PYROXD1: variants seen among roughly 807,000 people sequenced by gnomAD.
PYROXD1 encodes pyridine nucleotide-disulphide oxidoreductase domain 1.
A neutral mutation model predicts 62.0 loss-of-function variants in PYROXD1; 42 were observed. That is an observed-to-expected ratio of 0.68 (90% CI 0.53 to 0.88). PYROXD1 has a LOEUF of 0.88. Among genes scored for constraint, PYROXD1 ranks in the 40% least tolerant of loss-of-function variants. PYROXD1 has a pLI of 0.00. For missense variants in PYROXD1, 493 were observed against 604.8 expected (o/e 0.82, Z 1.94); for synonymous variants, 170 against 206.4 (o/e 0.82, Z 1.51).
intron 1 of PYROXD1, 141 bp downstream of exon 1, chr12:21,437,955 A>G (rs997448160): frequency 2.1e-5 from 16 of 755,838 alleles, no homozygotes; most frequent in Non-Finnish European, 3.1e-5. Context: ...TTGCTCCCAG[A>G]TTTTAGAAAC....
At chr12:21,441,450 T>C (rs61169452) in intron 2 of PYROXD1, 87,564 of 151,646 alleles carry the variant, frequency 0.58, 25,420 homozygotes, top group Middle Eastern at 0.72. Context: ...CCTACTTCTA[T>C]GTTCTTTTTC....
intron 3 of PYROXD1, among the ~76,000 whole-genome samples, chr12:21,448,642 A>G (rs934085343): frequency 1.3e-5 from 2 of 152,212 alleles, no homozygotes; most frequent in African/African-American, 2.4e-5. Flanking sequence ...GTCTCATTGG[A>G]TGTTAAGTGC....
rs767691261 is a variant in PYROXD1 at position 21,455,304 on chromosome 12, A to G, written c.649+12A>G. 4 of 1,426,926 alleles carry G rather than the reference A, an allele frequency of 2.8e-6. No individual in the cohort carries two copies. Among genetic ancestry groups the G allele is most frequent in the Non-Finnish European group, 3.7e-6 (4 of 1,080,506 alleles). The allele number at this position is 1,426,926 out of a possible 1,614,324, so 88.4% of individuals were successfully genotyped here. A position where few individuals can be genotyped will look rare whatever the true frequency, so the allele number is the denominator to read the frequency against. On this transcript the variant is annotated intron_variant, in intron 6 of 11. Coordinates refer to ENST00000240651, the MANE Select transcript of PYROXD1 (RefSeq NM_024854.5). The stretch of plus-strand genomic sequence containing the variant: ...ATATACAACTGAAGGTAAGTGTAGC[A>G]CCTAGCTCATTAATTCTCATACAAA...
Position 21,462,842 on chromosome 12 carries a change from C to T in PYROXD1, c.1096C>T (p.Leu366=). ...AGDICTTSWQ[L]SPVWQQMRLW... ...TGACATCTGTACTACATCCTGGCAG[C>T]TGAGCCCAGTCTGGCAGCAGGTAAG... The change falls in exon 10 of 12, where the codon CTG becomes TTG. Residue 366 remains leucine, a synonymous_variant. Transcript: ENST00000240651. 1 of 1,613,764 alleles carries T rather than the reference C, an allele frequency of 6.2e-7. No homozygotes were observed. The highest frequency in any genetic ancestry group is 8.5e-7 in the Non-Finnish European group (1 of 1,179,934).
chr12:21,450,804 A>T (rs1298435466), intron 4 of PYROXD1, among the ~76,000 whole-genome samples: 1 of 152,240 alleles, frequency 6.6e-6, no homozygotes, highest in Non-Finnish European at 1.5e-5. Context: ...GATTGAGCTC[A>T]TAACTGTTTT....
intron 3 of PYROXD1, among the ~76,000 whole-genome samples, chr12:21,445,773 C>T (rs1328219163): frequency 1.3e-5 from 2 of 152,052 alleles, no homozygotes; most frequent in African/African-American, 4.8e-5. Flanking sequence ...GTGTTGGCTC[C>T]TAGGAACTGT....
At chr12:21,461,544 A>G (rs1380023738) in intron 8 of PYROXD1, among the ~76,000 whole-genome samples, 12 of 152,212 alleles carry the variant, frequency 7.9e-5, no homozygotes, top group Admixed American at 7.9e-4. Context: ...GAGAATTGCC[A>G]TGATTTGAAG....
chr12:21,451,023 C>G (rs1942486840), intron 4 of PYROXD1, among the ~76,000 whole-genome samples: 1 of 152,148 alleles, frequency 6.6e-6, no homozygotes, highest in Non-Finnish European at 1.5e-5. Context: ...TCTTAAATTG[C>G]AATATCCTCA....
At chr12:21,438,313 A>G (rs11046046) in intron 1 of PYROXD1, 17,075 of 153,076 alleles carry the variant, frequency 0.11, 1,075 homozygotes, top group East Asian at 0.31. Context: ...TAATGTTTGT[A>G]TTTTTAGTAG....
At chr12:21,444,143 G>T (rs1159584743) in intron 2 of PYROXD1, among the ~76,000 whole-genome samples, 1 of 152,146 alleles carries the variant, frequency 6.6e-6, no homozygotes, top group Admixed American at 6.5e-5. Flanking sequence ...TACTGGTCGG[G>T]TAGCCTTGGA....
Position 21,466,142 on chromosome 12 carries a change from C to T in PYROXD1, c.1117-1339C>T, listed in dbSNP as rs865984783. Among the ~76,000 whole-genome samples, 1,038 of 150,694 alleles carry T rather than the reference C, an allele frequency of 6.9e-3. 9 individuals are homozygous for T. The highest frequency in any genetic ancestry group is 0.02 in the African/African-American group (838 of 40,960). ...TTCTTTTGGCTTAGGATTGACTTGGCGATGCGGGCTCTTTTTTGGTTCCAT... is the reference window on the plus strand; with the variant it reads ...TTCTTTTGGCTTAGGATTGACTTGGTGATGCGGGCTCTTTTTTGGTTCCAT... On this transcript the variant is annotated intron_variant, in intron 10 of 11. Coordinates refer to ENST00000240651, the MANE Select transcript of PYROXD1 (RefSeq NM_024854.5).
Position 21,437,818 on chromosome 12 carries a change from G to A in PYROXD1, c.84+4G>A, listed in dbSNP as rs756573952. 2 of 1,611,500 alleles carry A rather than the reference G, an allele frequency of 1.2e-6. No individual in the cohort carries two copies. Among genetic ancestry groups the A allele is most frequent in the South Asian group, 2.2e-5 (2 of 90,384 alleles). ...GGGCGTCACTTGTGCGGAGCAGGTA[G>A]GGCGGTGCTCAGGCGGTTCCGCCTC... On this transcript the variant is annotated splice_donor_region_variant and intron_variant, in intron 1 of 11. Coordinates refer to ENST00000240651, the MANE Select transcript of PYROXD1 (RefSeq NM_024854.5).
At chr12:21,448,064 A>G (rs1170522570) in intron 3 of PYROXD1, 1 of 559,882 alleles carries the variant, frequency 1.8e-6, no homozygotes, top group Non-Finnish European at 3.4e-6. Context: ...TTTCATTCTC[A>G]GCAAACTGAG....
intron 1 of PYROXD1, chr12:21,438,627 A>G (rs1262759756): frequency 1.3e-5 from 2 of 152,220 alleles, no homozygotes; most frequent in Non-Finnish European, 2.9e-5. Context: ...GATTAAATGC[A>G]TGTAGGGCTT....
intron 2 of PYROXD1, among the ~76,000 whole-genome samples, chr12:21,442,318 T>C (rs1942310571): frequency 6.6e-6 from 1 of 152,098 alleles, no homozygotes; most frequent in Non-Finnish European, 1.5e-5. Context: ...TACTGCTATA[T>C]TGGTAATAGA....
intron 4 of PYROXD1, among the ~76,000 whole-genome samples, chr12:21,450,952 A>G (rs565689813): frequency 6.6e-6 from 1 of 152,324 alleles, no homozygotes; most frequent in African/African-American, 2.4e-5. Flanking sequence ...TGTTAAGTCT[A>G]TCAGATACAC....
intron 7 of PYROXD1, among the ~76,000 whole-genome samples, chr12:21,459,236 A>T (rs1202387527): frequency 6.6e-6 from 1 of 152,054 alleles, no homozygotes; most frequent in Non-Finnish European, 1.5e-5. Context: ...TAAGCCAATC[A>T]CTAGCAGCCA....
chr12:21,440,183 TA>T (rs1942267101), intron 1 of PYROXD1, among the ~76,000 whole-genome samples, 184 bp from the exon 2 acceptor site: 7 of 152,312 alleles, frequency 4.6e-5, no homozygotes, highest in African/African-American at 1.7e-4. Context: ...TATCAGAGTT[TA>T]ATATTATTCA....
intron 10 of PYROXD1, among the ~76,000 whole-genome samples, chr12:21,465,360 T>G (rs1942772910): frequency 6.6e-6 from 1 of 152,244 alleles, no homozygotes; most frequent in Non-Finnish European, 1.5e-5. Flanking sequence ...ATGATTGCCA[T>G]TCTAACTGGT....
Sources: allele counts gnomAD v4.1 joint callset (sites outside exome capture counted in the v4.1 genomes callset), GRCh38; gene constraint gnomAD v4.1.1; transcripts MANE v1.5; gene names NCBI Gene and HGNC (gene_info 2026-07-23, HGNC 2026-07-21).